BTNL8: variants seen among roughly 807,000 people sequenced by gnomAD.
BTNL8 encodes butyrophilin like 8, also known as butyrophilin-like protein 8.
BTNL8 carries 22 observed loss-of-function variants against 36.1 expected under a neutral mutation model. The ratio of observed to expected loss-of-function variants is 0.61; its 90% confidence interval spans 0.44 to 0.87. The LOEUF (loss-of-function observed/expected upper bound fraction) is 0.87, where lower values mean the gene tolerates loss of function less well. Ranked by LOEUF, BTNL8 falls within the 40% of genes least tolerant of loss-of-function variation. The pLI, the probability that BTNL8 is intolerant of heterozygous loss-of-function variation, is 0.00. For missense variants in BTNL8, 526 were observed against 616.9 expected (o/e 0.85, Z 1.56); for synonymous variants, 203 against 235.6 (o/e 0.86, Z 1.27).
intron 3 of BTNL8, among the ~76,000 whole-genome samples, chr5:180,926,728 T>C (rs1758120487): frequency 6.6e-6 from 1 of 152,184 alleles, no homozygotes; most frequent in South Asian, 2.1e-4. Context: ...CTATGGAGCC[T>C]ACTGCAGCTT....
At chr5:180,909,900 C>A (rs1350676760) in intron 2 of BTNL8, 1 of 152,096 alleles carries the variant, frequency 6.6e-6, no homozygotes, top group Non-Finnish European at 1.5e-5. Context: ...GCATACGACT[C>A]CCCACTGCTA....
At chr5:180,933,545 C>T (rs566075936) in intron 3 of BTNL8, among the ~76,000 whole-genome samples, 20 of 152,080 alleles carry the variant, frequency 1.3e-4, no homozygotes, top group Middle Eastern at 3.4e-3. Flanking sequence ...AAACAACCAT[C>T]GGGTCGCAGG....
At chr5:180,948,551 T>G (rs1759390153) in intron 5 of BTNL8, 176 bp downstream of exon 5, 4 of 1,569,288 alleles carry the variant, frequency 2.5e-6, no homozygotes, top group Non-Finnish European at 3.5e-6. Context: ...CCCTCGGACA[T>G]CTGGAGGGCT....
At chr5:180,932,421 A>G (rs1331725940) in intron 3 of BTNL8, among the ~76,000 whole-genome samples, 3 of 152,196 alleles carry the variant, frequency 2.0e-5, no homozygotes, top group African/African-American at 7.2e-5. Context: ...ATCTTGGCTC[A>G]CTGCAAGCTC....
chr5:180,936,209 T>C (rs1164231904), intron 3 of BTNL8, among the ~76,000 whole-genome samples: 1 of 152,080 alleles, frequency 6.6e-6, no homozygotes, highest in Non-Finnish European at 1.5e-5. Flanking sequence ...GCCCCGGCAC[T>C]TCTTTCTAAC....
chr5:180,922,567 T>C (rs907815569), intron 3 of BTNL8, among the ~76,000 whole-genome samples: 3 of 124,120 alleles, frequency 2.4e-5, no homozygotes, highest in Admixed American at 2.2e-4. Flanking sequence ...GCGGTTGTTA[T>C]GATTTCAGTT....
In BTNL8 at chr5:180,935,264, G is replaced by T. The variant is rs141687316; in HGVS notation, c.674-12248G>T. Among the ~76,000 whole-genome samples, 50 of 152,264 alleles carry T rather than the reference G, an allele frequency of 3.3e-4. No individual in the cohort carries two copies. The East Asian group carries it at 3.9e-3, about 12-fold the overall frequency. On this transcript the variant is annotated intron_variant, in intron 3 of 7. Transcript: ENST00000340184. The surrounding 1 kb of genome is among the most constrained non-coding windows in gnomAD (Gnocchi z 4.8). ...CATCCCTGGCTTGAAGGTAGTTAGG[G>T]ACCTGCCCCTTTCCACCCAGGAACC... is the stretch of plus-strand genomic sequence containing the variant.
intron 3 of BTNL8, among the ~76,000 whole-genome samples, chr5:180,912,427 GTATATA>G (rs3029603): frequency 0.45 from 67,656 of 150,056 alleles, 16,151 homozygotes; most frequent in African/African-American, 0.63. Context: ...ACAACAGGAT[GTATATA>G]TATATATATA....
intron 3 of BTNL8, among the ~76,000 whole-genome samples, chr5:180,914,479 C>T (rs775546025): frequency 1.3e-4 from 20 of 152,040 alleles, no homozygotes; most frequent in South Asian, 2.1e-4. Flanking sequence ...ATGATTCAAA[C>T]GATGATTTCT....
intron 2 of BTNL8, among the ~76,000 whole-genome samples, chr5:180,909,338 A>G (rs948662411): frequency 6.6e-6 from 1 of 152,202 alleles, no homozygotes; most frequent in Non-Finnish European, 1.5e-5. Flanking sequence ...ATCTATCCAA[A>G]TTATTGCTTG....
chr5:180,928,596 C>G (rs1758215071), intron 3 of BTNL8, among the ~76,000 whole-genome samples: 1 of 152,040 alleles, frequency 6.6e-6, no homozygotes, highest in African/African-American at 2.4e-5. Flanking sequence ...CACACATAGG[C>G]TCAAAATAAA....
intron 3 of BTNL8, among the ~76,000 whole-genome samples, chr5:180,939,088 T>A (rs1758801195): frequency 6.6e-6 from 1 of 152,034 alleles, no homozygotes; most frequent in South Asian, 2.1e-4. Flanking sequence ...ACTATAGTAA[T>A]CCATCAAACG....
intron 4 of BTNL8, 126 bp downstream of exon 4, chr5:180,947,751 A>G (rs1224865641): frequency 5.0e-6 from 8 of 1,613,902 alleles, no homozygotes; most frequent in Middle Eastern, 3.3e-4. Context: ...CCCAGGCCCA[A>G]AAAAGTAATC....
chr5:180,906,350 C>A (rs1561926711), intron 1 of BTNL8, among the ~76,000 whole-genome samples: 1 of 121,866 alleles, frequency 8.2e-6, no homozygotes, highest in Non-Finnish European at 1.6e-5. Context: ...GCAACCCCTG[C>A]CTTTTTTTGT....
Position 180,947,548 on chromosome 5 carries a change from C to G in BTNL8, c.710C>G (p.Thr237Ser). 1 of 1,613,964 alleles carries G rather than the reference C, an allele frequency of 6.2e-7. No homozygotes were observed. The highest frequency in any genetic ancestry group is 8.5e-7 in the Non-Finnish European group (1 of 1,179,838). ...FFEPISWHLA[T>S]KVLGILCCGL... ...GAGCCTATATCGTGGCACCTGGCTA[C>G]CAAAGTACTGGGAATACTCTGCTGT... Residue 237 changes from threonine (T) to serine (S), a missense_variant, in exon 4 of 8, where the codon ACC becomes AGC. By Grantham distance (58) the Thr-to-Ser change is moderately conservative. Coordinates refer to ENST00000340184, the MANE Select transcript of BTNL8 (RefSeq NM_001040462.3).
Position 180,903,142 on chromosome 5 carries a change from C to T in BTNL8, c.49+3783C>T, listed in dbSNP as rs1756906314. On this transcript the variant is annotated intron_variant, in intron 1 of 7. Transcript: ENST00000340184. ...TTGAACTAGTTTACAGTCCCACCAACAGTGTAAAAGTGTTCCTATTTCTCC... is the reference window on the plus strand; with the variant it reads ...TTGAACTAGTTTACAGTCCCACCAATAGTGTAAAAGTGTTCCTATTTCTCC... Among the ~76,000 whole-genome samples, 3 of 120,778 alleles carry T rather than the reference C, an allele frequency of 2.5e-5. 1 individual carries two copies. The highest frequency in any genetic ancestry group is 8.4e-5 in the African/African-American group (2 of 23,804). The allele number at this position is 120,778 out of a possible 152,430, so 79.2% of individuals were successfully genotyped here.
At chr5:180,947,453 G>T in intron 3 of BTNL8, 59 bp from the exon 4 acceptor site, 1 of 1,587,738 alleles carries the variant, frequency 6.3e-7, no homozygotes, top group South Asian at 1.1e-5. Context: ...CCTTAAAGAA[G>T]AATTGAATTG....
At chr5:180,940,261 C>T (rs946525922) in intron 3 of BTNL8, among the ~76,000 whole-genome samples, 6 of 151,488 alleles carry the variant, frequency 4.0e-5, no homozygotes, top group Non-Finnish European at 8.8e-5. Flanking sequence ...ATCTCTTGAA[C>T]CAGGGAGGCA....
intron 4 of BTNL8, 155 bp from the exon 5 acceptor site, chr5:180,948,200 C>T: frequency 6.0e-6 from 7 of 1,162,774 alleles, no homozygotes; most frequent in South Asian, 1.3e-5. Context: ...AGCCACACTC[C>T]GTGCAGGAGC....
Sources: allele counts gnomAD v4.1 joint callset (sites outside exome capture counted in the v4.1 genomes callset), GRCh38; gene constraint gnomAD v4.1.1; non-coding constraint Gnocchi (gnomAD v3.1); transcripts MANE v1.5; gene names NCBI Gene and HGNC (gene_info 2026-07-23, HGNC 2026-07-21).